ATP10A: variants seen among roughly 807,000 people sequenced by gnomAD.
ATP10A encodes phospholipid-transporting ATPase VA.
A neutral mutation model predicts 147.8 loss-of-function variants in ATP10A; 111 were observed. The observed-to-expected ratio is 0.75, with a 90% CI of 0.64 to 0.88. ATP10A has a LOEUF of 0.88. Ranked by LOEUF, ATP10A falls within the 40% of genes least tolerant of loss-of-function variation. The probability of loss-of-function intolerance (pLI) is 0.00; values close to 1 mark genes in which losing one functional copy is unlikely to be tolerated. For missense variants in ATP10A, 1,927 were observed against 1,959.0 expected, an observed-to-expected ratio of 0.98 and a Z score of 0.31; for synonymous variants, 875 against 841.6, an observed-to-expected ratio of 1.04 and a Z score of -0.69.
rs185008440 is a variant in ATP10A at position 25,688,248 on chromosome 15, G to A, written c.3166-420C>T. Among the ~76,000 whole-genome samples the A allele has an allele frequency of 3.3e-3, 500 of 152,276 alleles. 1 individual carries two copies. The highest frequency in any genetic ancestry group is 0.012 in the African/African-American group (478 of 41,558). On this transcript the variant is annotated intron_variant, in intron 15 of 20. Transcript: ENST00000555815. Reference sequence around the variant, plus strand: ...AGGATGACCCAAAGCTGCTCCTGCCGTATGTATCAGAGACAGACATTCCCC... The same window carrying A: ...AGGATGACCCAAAGCTGCTCCTGCCATATGTATCAGAGACAGACATTCCCC...
intron 1 of ATP10A, among the ~76,000 whole-genome samples, chr15:25,855,541 AAC>A (rs59597825): frequency 1.2e-3 from 176 of 146,102 alleles, no homozygotes; most frequent in Middle Eastern, 3.6e-3. Flanking sequence ...TATTGGTTAA[AAC>A]ACACACACAC....
chr15:25,863,043 C>T lies in ATP10A; in HGVS notation c.54G>A (p.Arg18=), dbSNP rs572438938. The change falls in exon 1 of 21, where the codon AGG becomes AGA. Residue 18 remains arginine (R), a synonymous_variant. Coordinates refer to ENST00000555815, the MANE Select transcript of ATP10A (RefSeq NM_024490.4). ...TEEPGPPGRR[R]RREGRTRTVR... is the part of the protein sequence containing the mutation. ...CCGTGCGCGTCCTGCCCTCTCGGCGCCTCCGCCGTCCCGGAGGCCCGGGCT... is the reference window on the plus strand; with the variant it reads ...CCGTGCGCGTCCTGCCCTCTCGGCGTCTCCGCCGTCCCGGAGGCCCGGGCT... The T allele has an allele frequency of 1.4e-3, 1,816 of 1,262,880 alleles. 2 individuals carry two copies. Among genetic ancestry groups the T allele is most frequent in the South Asian group, 2.8e-3 (97 of 34,160 alleles). 78.2% of individuals were successfully genotyped at this position (1,262,880 alleles called of 1,614,324 possible). A position where few individuals can be genotyped will look rare whatever the true frequency, so the allele number is the denominator to read the frequency against.
At chr15:25,800,280 G>A (rs1396638820) in intron 1 of ATP10A, among the ~76,000 whole-genome samples, 1 of 152,200 alleles carries the variant, frequency 6.6e-6, no homozygotes, top group Non-Finnish European at 1.5e-5. Context: ...TAGGGCTTCA[G>A]TGAGTTTTCT....
intron 14 of ATP10A, among the ~76,000 whole-genome samples, chr15:25,694,484 G>A (rs1236530595): frequency 6.6e-6 from 1 of 152,206 alleles, no homozygotes; most frequent in Non-Finnish European, 1.5e-5. Context: ...GGCTGAGTGT[G>A]TAGTGCCCTC....
chr15:25,718,140 A>G, intron 8 of ATP10A, 42 bp downstream of exon 8: 1 of 1,583,158 alleles, frequency 6.3e-7, no homozygotes, highest in Non-Finnish European at 8.7e-7. Flanking sequence ...AAAATGGGGA[A>G]GAGACGTGGC....
intron 1 of ATP10A, among the ~76,000 whole-genome samples, chr15:25,807,401 G>A (rs114676017): frequency 1.4e-3 from 216 of 152,356 alleles, no homozygotes; most frequent in African/African-American, 4.9e-3. Flanking sequence ...AGTGAGCTTC[G>A]CTAGCTCAAT....
intron 2 of ATP10A, among the ~76,000 whole-genome samples, chr15:25,770,149 C>T (rs761502489): frequency 6.6e-6 from 1 of 151,038 alleles, no homozygotes; most frequent in South Asian, 2.1e-4. Context: ...AAAACACGAC[C>T]CGGGCGAGGT....
intron 5 of ATP10A, among the ~76,000 whole-genome samples, chr15:25,725,259 C>T (rs945034531): frequency 1.3e-5 from 2 of 152,314 alleles, no homozygotes; most frequent in South Asian, 2.1e-4. Context: ...ATATCCTCTG[C>T]TACCCCTACA....
chr15:25,836,749 C>T (rs1892614378), intron 1 of ATP10A, among the ~76,000 whole-genome samples: 1 of 152,182 alleles, frequency 6.6e-6, no homozygotes, highest in Admixed American at 6.5e-5. Flanking sequence ...GTGCCCATAG[C>T]AACCCTAGGA....
chr15:25,679,574 C>A lies in ATP10A; in HGVS notation c.4267G>T (p.Val1423Leu), dbSNP rs1431585307. ...SKVRAASTGR[V>L]TPLSSLFSLP... is the part of the protein sequence containing the mutation. Reference sequence around the variant, plus strand: ...CTGAAGAGGGAAGACAGGGGGGTCACCCTGCCGGTGCTGGCAGCTCTCACC... The same window carrying A: ...CTGAAGAGGGAAGACAGGGGGGTCAACCTGCCGGTGCTGGCAGCTCTCACC... The change falls in exon 21 of 21, where the codon GTG (valine) becomes TTG (leucine). Residue 1423 changes from valine to leucine, a missense_variant. By Grantham distance (32) the Val-to-Leu change is conservative. Coordinates refer to ENST00000555815, the MANE Select transcript of ATP10A (RefSeq NM_024490.4). 3 of 1,610,764 alleles carry A rather than the reference C, an allele frequency of 1.9e-6. No individual in the cohort carries two copies. The highest frequency in any genetic ancestry group is 8.5e-7 in the Non-Finnish European group (1 of 1,177,630).
chr15:25,804,864 A>G (rs1226782361), intron 1 of ATP10A, among the ~76,000 whole-genome samples: 1 of 152,246 alleles, frequency 6.6e-6, no homozygotes, highest in East Asian at 1.9e-4. Flanking sequence ...AAGTTCTTTT[A>G]GAAGTAAAAA....
At chr15:25,801,475 A>G (rs78266390) in intron 1 of ATP10A, among the ~76,000 whole-genome samples, 3,604 of 152,280 alleles carry the variant, frequency 0.024, 59 homozygotes, top group Non-Finnish European at 0.036. Context: ...GTTAAGGTGC[A>G]TGCAGCGCTT....
At chr15:25,736,725 G>A (rs1384063578) in intron 2 of ATP10A, among the ~76,000 whole-genome samples, 2 of 152,126 alleles carry the variant, frequency 1.3e-5, no homozygotes, top group African/African-American at 4.8e-5. Flanking sequence ...ACAGAGCCTG[G>A]CTCATAAGAA....
intron 4 of ATP10A, 145 bp from the exon 5 acceptor site, chr15:25,726,227 T>C: frequency 1.2e-6 from 1 of 809,066 alleles, no homozygotes; most frequent in Admixed American, 2.9e-5. Context: ...TTAAAATTAA[T>C]CTTACTTCCT....
intron 1 of ATP10A, among the ~76,000 whole-genome samples, chr15:25,792,375 G>T (rs568573310): frequency 6.6e-6 from 1 of 152,292 alleles, no homozygotes; most frequent in South Asian, 2.1e-4. Context: ...TCTCTGCAAA[G>T]ACAGTGGCCA....
At chr15:25,818,592 T>C (rs982820691) in intron 1 of ATP10A, among the ~76,000 whole-genome samples, 2 of 151,982 alleles carry the variant, frequency 1.3e-5, no homozygotes, top group Non-Finnish European at 2.9e-5. Flanking sequence ...TTCACAAAAT[T>C]AGAAAAAAAC....
chr15:25,780,272 G>A (rs1434381381), intron 2 of ATP10A, among the ~76,000 whole-genome samples: 1 of 152,232 alleles, frequency 6.6e-6, no homozygotes, highest in African/African-American at 2.4e-5. Context: ...TTCAGGGCAG[G>A]CCGACTCAGA....
At chr15:25,777,091 A>ACGTG (rs1567375896) in intron 2 of ATP10A, among the ~76,000 whole-genome samples, 1 of 83,826 alleles carries the variant, frequency 1.2e-5, no homozygotes, top group African/African-American at 4.5e-5. Flanking sequence ...GTGTGTGCAT[A>ACGTG]CGTGCGTGTG....
intron 1 of ATP10A, among the ~76,000 whole-genome samples, chr15:25,787,160 G>C (rs1040816382): frequency 1.3e-5 from 2 of 152,114 alleles, no homozygotes; most frequent in Admixed American, 6.5e-5. Flanking sequence ...GGAAGCCTTA[G>C]AGAGATTTGG....
Sources: allele counts gnomAD v4.1 joint callset (sites outside exome capture counted in the v4.1 genomes callset), GRCh38; gene constraint gnomAD v4.1.1; transcripts MANE v1.5; gene names NCBI Gene and HGNC (gene_info 2026-07-23, HGNC 2026-07-21).